KIF26B: variants seen among roughly 807,000 people sequenced by gnomAD.
The protein encoded by KIF26B is kinesin family member 26B, also known as kinesin-like protein KIF26B.
A neutral mutation model predicts 151.2 loss-of-function variants in KIF26B; 63 were observed. That is an observed-to-expected ratio of 0.42 (90% CI 0.34 to 0.51). The LOEUF is 0.51. Among genes scored for constraint, KIF26B ranks in the 20% least tolerant of loss-of-function variants. KIF26B has a pLI of 0.07. For missense variants in KIF26B, 2,813 were observed against 2,913.6 expected, an observed-to-expected ratio of 0.97 and a Z score of 0.79; for synonymous variants, 1,357 against 1,262.1, an observed-to-expected ratio of 1.08 and a Z score of -1.59.
At chr1:245,481,412 A>G (rs1474313851) in intron 4 of KIF26B, among the ~76,000 whole-genome samples, 1 of 151,924 alleles carries the variant, frequency 6.6e-6, no homozygotes, top group African/African-American at 2.4e-5. Context: ...TAAAAAGGAC[A>G]ATATAAAATA....
At position 245,404,535 on chromosome 1, in the gene KIF26B, A is replaced by G. The variant is rs768222607; in HGVS notation, c.1000-15044A>G. On this transcript the variant is annotated intron_variant, in intron 3 of 14. Coordinates refer to ENST00000407071, the MANE Select transcript of KIF26B (RefSeq NM_018012.4). Reference sequence around the variant, plus strand: ...GTATTGACTTTGCCTGACCCATATTATAAAGTTCTAACAAGTGGAAAGTAT... The same window carrying G: ...GTATTGACTTTGCCTGACCCATATTGTAAAGTTCTAACAAGTGGAAAGTAT... Among the ~76,000 whole-genome samples, 3 of 152,304 alleles carry G rather than the reference A, an allele frequency of 2.0e-5. No individual in the cohort carries two copies. The South Asian group carries it at 6.2e-4, about 32-fold the overall frequency.
intron 3 of KIF26B, among the ~76,000 whole-genome samples, chr1:245,416,642 G>A (rs144288154): frequency 2.2e-4 from 33 of 152,300 alleles, no homozygotes; most frequent in East Asian, 2.1e-3. Context: ...CTGGAAGAAG[G>A]CTTCTCGGAG....
In KIF26B at chr1:245,156,486, C is replaced by A; in HGVS notation, c.268C>A (p.Pro90Thr). The change falls in exon 2 of 15, where the codon CCC (proline) becomes ACC (threonine). Residue 90 changes from proline (P) to threonine (T), a missense_variant. By Grantham distance (38) the Pro-to-Thr change is conservative (BLOSUM62 -1). Around this residue, in one of 3 missense-constraint regions of KIF26B, gnomAD observed 676 missense variants for 688.1 expected, o/e 0.98. Transcript: ENST00000407071. The stretch of plus-strand genomic sequence containing the variant: ...CACCGGCTCCCCGGGACCCGCCTCC[C>A]CCGGCATCGGCACTAGTTCGCCGGG... ...SFTGSPGPAS[P>T]GIGTSSPGSL... The A allele has an allele frequency of 6.6e-7, 1 of 1,526,698 alleles. No individual in the cohort carries two copies. The highest frequency in any genetic ancestry group is 8.8e-7 in the Non-Finnish European group (1 of 1,140,534). 94.6% of individuals were successfully genotyped at this position (1,526,698 alleles called of 1,614,324 possible). A position where few individuals can be genotyped will look rare whatever the true frequency, so the allele number is the denominator to read the frequency against.
chr1:245,600,832 T>C (rs185176837), intron 5 of KIF26B, among the ~76,000 whole-genome samples: 1 of 152,282 alleles, frequency 6.6e-6, no homozygotes, highest in Admixed American at 6.5e-5. Flanking sequence ...GGCATTGTTA[T>C]TCCTACTGTA....
At chr1:245,553,521 T>G (rs1359915583) in intron 5 of KIF26B, among the ~76,000 whole-genome samples, 1 of 152,248 alleles carries the variant, frequency 6.6e-6, no homozygotes, top group African/African-American at 2.4e-5. Context: ...TGTCACTGTG[T>G]TGTTTTATAT....
intron 4 of KIF26B, among the ~76,000 whole-genome samples, chr1:245,514,401 C>T (rs1247165362): frequency 1.5e-4 from 23 of 151,870 alleles, no homozygotes; most frequent in Admixed American, 1.4e-3. Context: ...TGGTGGCGGG[C>T]GTCTGTAGTC....
chr1:245,483,398 G>C (rs1408188306), intron 4 of KIF26B, among the ~76,000 whole-genome samples: 1 of 151,808 alleles, frequency 6.6e-6, no homozygotes, highest in African/African-American at 2.4e-5. Flanking sequence ...ATCCAGGTCT[G>C]CCTGACCCCA....
Position 245,304,690 on chromosome 1 carries a change from C to T in KIF26B, c.466-62144C>T, listed in dbSNP as rs1216889948. Among the ~76,000 whole-genome samples, 3 of 149,888 alleles carry T rather than the reference C, an allele frequency of 2.0e-5. No individual in the cohort carries two copies. In the South Asian group the frequency reaches 6.3e-4, roughly 32 times the overall value. On this transcript the variant is annotated intron_variant, in intron 2 of 14. Transcript: ENST00000407071. ...CTGTCTGCCTGTCCATCCATCCATA[C>T]GTCCATCCCTCCATCCATCCATCCA...
chr1:245,560,065 C>T lies in KIF26B; in HGVS notation c.1350+19115C>T, dbSNP rs1433559143. ...AAACACGCTGCTCAGTCCTCAGGCC[C>T]AGCTCCCGTGTCACCTGCCACCTGC... On this transcript the variant is annotated intron_variant, in intron 5 of 14. Transcript: ENST00000407071. The surrounding 1 kb of genome is among the most constrained non-coding windows in gnomAD (Gnocchi z 4.3). 6.6e-6 allele frequency among the ~76,000 whole-genome samples: 1 copy of T among 152,132 alleles called. No individual in the cohort carries two copies. The highest frequency in any genetic ancestry group is 2.4e-5 in the African/African-American group (1 of 41,434).
chr1:245,576,161 G>A (rs1226931934), intron 5 of KIF26B, among the ~76,000 whole-genome samples: 1 of 152,088 alleles, frequency 6.6e-6, no homozygotes, highest in Admixed American at 6.6e-5. Flanking sequence ...AGCCTCAGAG[G>A]ATCACAAGCG....
intron 5 of KIF26B, among the ~76,000 whole-genome samples, chr1:245,600,110 C>T (rs1175116430): frequency 6.9e-6 from 1 of 145,834 alleles, no homozygotes; most frequent in Non-Finnish European, 1.5e-5. Context: ...GTGATCTTGG[C>T]TCACCACAAC....
intron 2 of KIF26B, among the ~76,000 whole-genome samples, chr1:245,329,661 G>A (rs1227265873): frequency 2.0e-5 from 3 of 152,098 alleles, no homozygotes; most frequent in Non-Finnish European, 2.9e-5. Flanking sequence ...TCCTGCCCCT[G>A]CCCCTTTCCA....
intron 4 of KIF26B, among the ~76,000 whole-genome samples, chr1:245,484,340 A>C (rs1327654344): frequency 6.6e-6 from 1 of 151,868 alleles, no homozygotes; most frequent in African/African-American, 2.4e-5. Flanking sequence ...CATTCAATGG[A>C]GCCACATAAC....
At chr1:245,438,847 G>A (rs965967186) in intron 4 of KIF26B, among the ~76,000 whole-genome samples, 1 of 152,158 alleles carries the variant, frequency 6.6e-6, no homozygotes, top group Non-Finnish European at 1.5e-5. Context: ...ATAGACAATA[G>A]AAACTAATAG....
rs1558327021 is a variant in KIF26B at position 245,155,438 on chromosome 1, C to G, written c.14C>G (p.Ala5Gly). 1 of 1,612,022 alleles carries G rather than the reference C, an allele frequency of 6.2e-7. No individual in the cohort carries two copies. Among genetic ancestry groups the G allele is most frequent in the Non-Finnish European group, 8.5e-7 (1 of 1,179,012 alleles). Residue 5 changes from alanine to glycine, a missense_variant, in exon 1 of 15, where the codon GCT becomes GGT. By Grantham distance (60) the Ala-to-Gly change is moderately conservative. This residue lies in a region of KIF26B where 676 missense variants were observed against 688.1 expected (regional missense o/e 0.98). Coordinates refer to ENST00000407071, the MANE Select transcript of KIF26B (RefSeq NM_018012.4). Reference protein sequence around the residue: MNSVAGNKERLAVST... With the variant: MNSVGGNKERLAVST... ...GGAAAAGCCACCATGAATTCGGTAG[C>G]TGGGAATAAAGAGAGGCTTGCGGTC...
rs376678841 is a variant in KIF26B, at chr1:245,677,749, C to T, written c.2259-6484C>T. Among the ~76,000 whole-genome samples, 3 of 152,374 alleles carry T rather than the reference C, an allele frequency of 2.0e-5. No individual in the cohort carries two copies. The South Asian group carries it at 6.2e-4, about 32-fold the overall frequency. ...AAGCAGTCATGGACAGCGAGATCAT[C>T]AAGTCCCTTAGGAATAAGTAAACTC... On this transcript the variant is annotated intron_variant, in intron 10 of 14. Coordinates refer to ENST00000407071, the MANE Select transcript of KIF26B (RefSeq NM_018012.4).
chr1:245,585,070 G>A (rs2103131875), intron 5 of KIF26B, among the ~76,000 whole-genome samples: 1 of 152,264 alleles, frequency 6.6e-6, no homozygotes, highest in African/African-American at 2.4e-5. Context: ...CCTGAGCAGT[G>A]GGTCTCAAGT....
intron 5 of KIF26B, among the ~76,000 whole-genome samples, chr1:245,562,588 G>GCCCCCCCC (rs57636731): frequency 7.4e-6 from 1 of 135,528 alleles, no homozygotes; most frequent in Non-Finnish European, 1.6e-5. Flanking sequence ...GCCAAGCCCC[G>GCCCCCCCC]CCCCCCCCTT....
intron 2 of KIF26B, among the ~76,000 whole-genome samples, chr1:245,365,378 A>G (rs973980323): frequency 1.3e-5 from 2 of 152,106 alleles, no homozygotes; most frequent in African/African-American, 4.8e-5. Context: ...TAATCAATTA[A>G]TCAGTGCGTG....
Sources: gnomAD v4.1 joint callset for allele counts (sites outside exome capture counted in the v4.1 genomes callset) on GRCh38, gnomAD v4.1.1 for gene constraint, gnomAD v4.1.1 regional missense constraint, Gnocchi (gnomAD v3.1) non-coding constraint, MANE v1.5 for transcripts, NCBI Gene and HGNC (gene_info 2026-07-23, HGNC 2026-07-21) for gene names.